The following NR1H3 variants were observed in gnomAD, a reference collection of about 807,000 sequenced individuals.
NR1H3 encodes oxysterols receptor LXR-alpha.
NR1H3 carries 19 observed loss-of-function variants against 48.1 expected under a neutral mutation model. The ratio of observed to expected loss-of-function variants is 0.40; its 90% CI spans 0.28 to 0.58. The LOEUF (loss-of-function observed/expected upper bound fraction) is 0.58, where lower values mean the gene tolerates loss of function less well. Among genes scored for constraint, NR1H3 ranks in the 20% least tolerant of loss-of-function variants. The pLI is 0.50. For synonymous variants in NR1H3, 232 were observed against 227.3 expected (o/e 1.02, Z -0.19); for missense variants, 486 against 595.9 (o/e 0.82, Z 1.92).
intron 1 of NR1H3, 162 bp from the exon 2 acceptor site, chr11:47,259,018 C>T: frequency 7.7e-7 from 1 of 1,295,728 alleles, no homozygotes; most frequent in Non-Finnish European, 1.0e-6. Context: ...CTCTAAAAAA[C>T]ATAATAGTAA....
chr11:47,255,267 G>A (rs77682558), upstream of NR1H3, among the ~76,000 whole-genome samples: 2,766 of 152,296 alleles, frequency 0.018, 32 homozygotes, highest in Non-Finnish European at 0.03. Context: ...CTAACTGTGT[G>A]GTCTTGGAAA....
intron 7 of NR1H3, among the ~76,000 whole-genome samples, chr11:47,266,882 C>G (rs527269091): frequency 6.6e-6 from 1 of 151,850 alleles, no homozygotes; most frequent in African/African-American, 2.4e-5. Flanking sequence ...CTCAGGTGAT[C>G]CCCCTGCCTC....
chr11:47,268,963 A>G lies in NR1H3; in HGVS notation c.*267A>G. On this transcript the variant is annotated 3_prime_UTR_variant, in exon 10 of 10. Transcript: ENST00000441012. ...GGCCACTTTGCACAGGGTTCTCCAG[A>G]GCCCTGCCCATCCTGCCTCCACCAC... is the stretch of plus-strand genomic sequence containing the variant. 2.3e-6 allele frequency: 1 copy of G among 443,844 alleles called. No homozygotes were observed. The highest frequency in any genetic ancestry group is 4.1e-6 in the Non-Finnish European group (1 of 246,394). The allele number at this position is 443,844 out of a possible 1,614,324, so 27.5% of individuals were successfully genotyped here. A position where few individuals can be genotyped will look rare whatever the true frequency, so the allele number is the denominator to read the frequency against.
At chr11:47,263,775 G>T (rs919549951) in intron 7 of NR1H3, among the ~76,000 whole-genome samples, 1 of 151,398 alleles carries the variant, frequency 6.6e-6, no homozygotes, top group African/African-American at 2.4e-5. Context: ...GCTAACTTTT[G>T]TATTTTTAGT....
chr11:47,267,090 T>C (rs1047021805), intron 7 of NR1H3, among the ~76,000 whole-genome samples: 3 of 152,018 alleles, frequency 2.0e-5, no homozygotes, highest in African/African-American at 7.2e-5. Flanking sequence ...GTGGATTGCT[T>C]GAGTCCAGGA....
upstream of NR1H3, among the ~76,000 whole-genome samples, chr11:47,254,204 C>T (rs1202835082): frequency 6.6e-6 from 1 of 152,144 alleles, no homozygotes; most frequent in African/African-American, 2.4e-5. Flanking sequence ...TGGGAAGCCA[C>T]CTGTGGGGAG....
At chr11:47,259,384 G>C in intron 2 of NR1H3, 125 bp downstream of exon 2, 1 of 1,598,186 alleles carries the variant, frequency 6.3e-7, no homozygotes. Flanking sequence ...GTCATTCTTA[G>C]TCGTGCTTGC....
At chr11:47,254,561 C>G (rs527855990), upstream of NR1H3, among the ~76,000 whole-genome samples, 2 of 152,200 alleles carry the variant, frequency 1.3e-5, no homozygotes, top group Admixed American at 6.5e-5. Flanking sequence ...TCAGAGATAC[C>G]CAGACCAGGG....
chr11:47,257,695 C>A, upstream of NR1H3: 1 of 985,554 alleles, frequency 1.0e-6, no homozygotes, highest in Non-Finnish European at 1.2e-6. Context: ...GTGGGGGTTC[C>A]TGGGAGGCAG....
rs754788932 is a variant in NR1H3 at position 47,261,407 on chromosome 11, A to T, written c.666A>T (p.Gln222His). Residue 222 changes from glutamine to histidine, a missense_variant, in exon 5 of 10, where the codon CAA becomes CAT. By Grantham distance (24) the Gln-to-His change is conservative (BLOSUM62 0). Transcript: ENST00000441012. ...GMIEKLVAAQQQCNRRSFSDR... is the reference protein window; with the variant it reads ...GMIEKLVAAQHQCNRRSFSDR... ...TCGAGAAGCTCGTCGCTGCCCAGCA[A>T]CAGTGTAACCGGCGCTCCTTTTCTG... 3 of 1,613,926 alleles carry T rather than the reference A, an allele frequency of 1.9e-6. No homozygotes were observed. In the Admixed American group the frequency reaches 5.0e-5, roughly 27 times the overall value.
upstream of NR1H3, among the ~76,000 whole-genome samples, chr11:47,256,792 G>A (rs1212813228): frequency 3.4e-5 from 5 of 148,994 alleles, no homozygotes; most frequent in African/African-American, 5.0e-5. Flanking sequence ...GTGCAGTGGC[G>A]CAATCTCGGC....
chr11:47,248,451 A>G (rs899261911), upstream of NR1H3: 1 of 1,544,506 alleles, frequency 6.5e-7, no homozygotes, highest in Non-Finnish European at 8.7e-7. Flanking sequence ...AGTCTTAACC[A>G]TTCAACCACT....
chr11:47,267,086 T>C (rs1431419668), intron 7 of NR1H3, among the ~76,000 whole-genome samples: 1 of 151,872 alleles, frequency 6.6e-6, no homozygotes, highest in Non-Finnish European at 1.5e-5. Context: ...GCGGGTGGAT[T>C]GCTTGAGTCC....
chr11:47,248,955 G>C, exon 1 of NR1H3: 1 of 1,528,924 alleles, frequency 6.5e-7, no homozygotes, highest in Non-Finnish European at 8.7e-7. Context: ...GTGGGATTGC[G>C]TGCAGGAGGG....
At chr11:47,250,769 A>G (rs1193556736) in intron 1 of NR1H3, among the ~76,000 whole-genome samples, 2 of 152,290 alleles carry the variant, frequency 1.3e-5, no homozygotes, top group Non-Finnish European at 2.9e-5. Flanking sequence ...GATTTAACCT[A>G]GTCCTCTTAC....
chr11:47,260,398 C>T lies in NR1H3; in HGVS notation c.233-11C>T, dbSNP rs773330714. The T allele has an allele frequency of 6.2e-7, 1 of 1,604,242 alleles. No individual in the cohort carries two copies. Among genetic ancestry groups the T allele is most frequent in the East Asian group, 2.2e-5 (1 of 44,726 alleles). On this transcript the variant is annotated splice_polypyrimidine_tract_variant and intron_variant, in intron 3 of 9. Transcript: ENST00000441012. Reference sequence around the variant, plus strand: ...TCGGGGGAGAGCGTTGAAGCACTTTCCTGTATCCAGAGATCCGTCCACAAA... The same window carrying T: ...TCGGGGGAGAGCGTTGAAGCACTTTTCTGTATCCAGAGATCCGTCCACAAA...
At chr11:47,260,742 A>G (rs1955753670) in intron 4 of NR1H3, 67 bp downstream of exon 4, 2 of 1,506,502 alleles carry the variant, frequency 1.3e-6, no homozygotes, top group Admixed American at 4.1e-5. Context: ...GTGACCCAAA[A>G]CAGGTGCCTG....
rs1056325723 is a variant in NR1H3 at position 47,261,410 on chromosome 11, G to A, written c.669G>A (p.Gln223=). ...MIEKLVAAQQ[Q]CNRRSFSDRL... is the part of the protein sequence containing the mutation. ...AGAAGCTCGTCGCTGCCCAGCAACAGTGTAACCGGCGCTCCTTTTCTGACC... is the reference window on the plus strand; with the variant it reads ...AGAAGCTCGTCGCTGCCCAGCAACAATGTAACCGGCGCTCCTTTTCTGACC... The change falls in exon 5 of 10, where the codon CAG becomes CAA. Residue 223 remains glutamine (Q), a synonymous_variant. Coordinates refer to ENST00000441012, the MANE Select transcript of NR1H3 (RefSeq NM_005693.4). 6.2e-6 allele frequency: 10 copies of A among 1,614,022 alleles called. No individual in the cohort carries two copies. The African/African-American group carries it at 1.3e-4, about 22-fold the overall frequency.
At position 47,262,508 on chromosome 11, in the gene NR1H3, CT is replaced by C. The variant is rs904810616; in HGVS notation, c.988+499del. 8.7e-3 allele frequency among the ~76,000 whole-genome samples: 1,287 copies of C among 147,586 alleles called. 14 individuals carry two copies. Among genetic ancestry groups the C allele is most frequent in the Middle Eastern group, 0.018 (5 of 280 alleles). On this transcript the variant is annotated intron_variant, in intron 7 of 9. Transcript: ENST00000441012. ...GCCACCCACCATGCCCGGCCAAGTA[CT>C]TTTTTTTTGTTTCATTTTTTTTTTT... is the stretch of plus-strand genomic sequence containing the variant.
Sources: gnomAD v4.1 joint callset for allele counts (sites outside exome capture counted in the v4.1 genomes callset) on GRCh38, gnomAD v4.1.1 for gene constraint, MANE v1.5 for transcripts, NCBI Gene and HGNC (gene_info 2026-07-23, HGNC 2026-07-21) for gene names.